LINGO2: variants seen among roughly 807,000 people sequenced by gnomAD.
LINGO2 encodes the protein leucine-rich repeat and immunoglobulin-like domain-containing nogo receptor-interacting protein 2.
Under a neutral mutation model 30.6 loss-of-function variants are expected in LINGO2, and 14 were observed. The observed-to-expected ratio is 0.46, with a 90% CI of 0.30 to 0.72. The LOEUF (loss-of-function observed/expected upper bound fraction) is 0.72. Among genes scored for constraint, LINGO2 ranks in the 30% least tolerant of loss-of-function variants. LINGO2 has a pLI of 0.07. For synonymous variants in LINGO2, 317 were observed against 288.5 expected, an observed-to-expected ratio of 1.10 and a Z score of -1.00; for missense variants, 729 against 751.7, an observed-to-expected ratio of 0.97 and a Z score of 0.35.
At chr9:28,734,846 T>C in the LINGO2 span, among the ~76,000 whole-genome samples, 2 of 152,168 alleles carry the variant, frequency 1.3e-5, no homozygotes, top group African/African-American at 2.4e-5. Context: ...ATTTATAGAA[T>C]GGATTCATCT....
chr9:28,855,630 A>G, the LINGO2 span, among the ~76,000 whole-genome samples: 1 of 151,992 alleles, frequency 6.6e-6, no homozygotes, highest in East Asian at 1.9e-4. Flanking sequence ...TGCCAAAGAA[A>G]ATATAAGATA....
At chr9:29,087,813 T>C in the LINGO2 span, among the ~76,000 whole-genome samples, 1 of 152,062 alleles carries the variant, frequency 6.6e-6, no homozygotes, top group East Asian at 1.9e-4. Context: ...TGGGTTTATA[T>C]CCCAGCTCTA....
At chr9:28,934,501 A>G in the LINGO2 span, among the ~76,000 whole-genome samples, 34 of 152,304 alleles carry the variant, frequency 2.2e-4, no homozygotes, top group South Asian at 5.8e-3. Context: ...ACAAGCTGTA[A>G]ACAATTTCAT....
At chr9:28,861,075 A>ATTTATAT in the LINGO2 span, among the ~76,000 whole-genome samples, 1 of 124,962 alleles carries the variant, frequency 8.0e-6, no homozygotes, top group African/African-American at 3.1e-5. Flanking sequence ...ATTAATATAT[A>ATTTATAT]AATATATAAT....
chr9:28,641,927 T>C (rs1827608417), intron 1 of LINGO2, among the ~76,000 whole-genome samples: 1 of 152,080 alleles, frequency 6.6e-6, no homozygotes, highest in Non-Finnish European at 1.5e-5. Context: ...TCCAGAATGT[T>C]CTTCTTGTCT....
chr9:28,561,785 AAT>A (rs1823098496), intron 1 of LINGO2, among the ~76,000 whole-genome samples: 1 of 136,524 alleles, frequency 7.3e-6, no homozygotes, highest in Non-Finnish European at 1.6e-5. Context: ...ATATATAAAA[AAT>A]ATGCTACTAG....
At chr9:29,088,740 G>T in the LINGO2 span, among the ~76,000 whole-genome samples, 1 of 152,102 alleles carries the variant, frequency 6.6e-6, no homozygotes, top group African/African-American at 2.4e-5. Flanking sequence ...AGTTTAAAAT[G>T]AATATAGTTG....
intron 1 of LINGO2, among the ~76,000 whole-genome samples, chr9:28,651,204 T>C (rs1267796657): frequency 6.6e-6 from 1 of 150,960 alleles, no homozygotes; most frequent in Non-Finnish European, 1.5e-5. Context: ...AAGAAAATTA[T>C]GGGTTAGTAC....
chr9:28,904,000 G>A, the LINGO2 span, among the ~76,000 whole-genome samples: 1 of 151,948 alleles, frequency 6.6e-6, no homozygotes, highest in Admixed American at 6.6e-5. Context: ...ACGTTAAAAG[G>A]AACATTGCCG....
chr9:28,355,287 CTCTCTCTCTA>C (rs1820131233), intron 3 of LINGO2, among the ~76,000 whole-genome samples: 1 of 108,318 alleles, frequency 9.2e-6, no homozygotes, highest in South Asian at 4.1e-4. Context: ...CTGTCTCTCT[CTCTCTCTCTA>C]TGTCTCTCTC....
the LINGO2 span, among the ~76,000 whole-genome samples, chr9:28,785,769 C>T: frequency 6.6e-6 from 1 of 151,676 alleles, no homozygotes; most frequent in African/African-American, 2.4e-5. Flanking sequence ...GAATCTTTTG[C>T]AATAGCAATA....
chr9:28,199,390 G>A (rs1440375952), intron 4 of LINGO2, among the ~76,000 whole-genome samples: 2 of 140,774 alleles, frequency 1.4e-5, no homozygotes, highest in African/African-American at 5.2e-5. Context: ...CCAGGCTGGA[G>A]TGCAGTGGCG....
chr9:28,883,877 G>A, the LINGO2 span, among the ~76,000 whole-genome samples: 1 of 150,390 alleles, frequency 6.6e-6, no homozygotes, highest in Non-Finnish European at 1.5e-5. Flanking sequence ...GGGGTTTCAC[G>A]GTGCTGAACA....
intron 1 of LINGO2, among the ~76,000 whole-genome samples, chr9:28,500,955 A>G (rs954037317): frequency 1.3e-5 from 2 of 152,188 alleles, no homozygotes; most frequent in African/African-American, 4.8e-5. Context: ...ATAACAGTAC[A>G]ATGTCTTCAA....
chr9:29,142,216 T>C, the LINGO2 span, among the ~76,000 whole-genome samples: 3,913 of 151,852 alleles, frequency 0.026, 155 homozygotes, highest in African/African-American at 0.088. Flanking sequence ...CTTTTTCAAA[T>C]ACAGTAGAAT....
At chr9:28,011,163 G>A (rs1480269376) in intron 5 of LINGO2, among the ~76,000 whole-genome samples, 3 of 152,188 alleles carry the variant, frequency 2.0e-5, no homozygotes, top group South Asian at 2.1e-4. Context: ...AAAGTCAAAT[G>A]TAAGAGGCCA....
At chr9:29,117,449 TGGC>T in the LINGO2 span, among the ~76,000 whole-genome samples, 2 of 152,236 alleles carry the variant, frequency 1.3e-5, no homozygotes, top group African/African-American at 4.8e-5. Flanking sequence ...CAGTGAAAGC[TGGC>T]TCCAGCATAT....
chr9:28,668,020 T>G (rs971523389), intron 1 of LINGO2, among the ~76,000 whole-genome samples: 1 of 152,180 alleles, frequency 6.6e-6, no homozygotes, highest in Non-Finnish European at 1.5e-5. Context: ...ATAAAATGTC[T>G]CTGCTATATT....
chr9:28,531,080 A>G (rs1821219019), intron 1 of LINGO2, among the ~76,000 whole-genome samples: 1 of 149,022 alleles, frequency 6.7e-6, no homozygotes, highest in African/African-American at 2.4e-5. Context: ...ATAAAATTCC[A>G]AATTAATAAG....
Sources: gnomAD v4.1 joint callset for allele counts (sites outside exome capture counted in the v4.1 genomes callset) on GRCh38, gnomAD v4.1.1 for gene constraint, MANE v1.5 for transcripts, NCBI Gene and HGNC (gene_info 2026-07-23, HGNC 2026-07-21) for gene names.